SIPA1L3: variants seen among roughly 807,000 people sequenced by gnomAD.
The protein encoded by SIPA1L3 is signal-induced proliferation-associated 1-like protein 3.
Under a neutral mutation model 150.1 loss-of-function variants are expected in SIPA1L3, and 59 were observed. The ratio of observed to expected loss-of-function variants is 0.39; its 90% confidence interval spans 0.32 to 0.49. The LOEUF is 0.49. SIPA1L3 is among the 20% of genes least tolerant of loss of function. SIPA1L3 has a pLI of 0.86. For missense variants in SIPA1L3, 2,211 were observed against 2,489.5 expected (o/e 0.89, Z 2.38); for synonymous variants, 1,070 against 1,077.6 (o/e 0.99, Z 0.14).
intron 1 of SIPA1L3, among the ~76,000 whole-genome samples, chr19:37,930,088 G>T (rs935448119): frequency 6.7e-6 from 1 of 148,290 alleles, no homozygotes; most frequent in Non-Finnish European, 1.5e-5. Flanking sequence ...GCAGTGGCGC[G>T]ATCTCGGCTC....
chr19:38,106,509 A>T (rs756584488), intron 6 of SIPA1L3, 28 bp from the exon 7 acceptor site: 34 of 1,496,680 alleles, frequency 2.3e-5, no homozygotes, highest in Non-Finnish European at 3.2e-5. Context: ...TTTTGGAAAC[A>T]TGGTCCTAAC....
intron 16 of SIPA1L3, among the ~76,000 whole-genome samples, chr19:38,190,189 GC>G (rs927751594): frequency 3.6e-4 from 55 of 152,224 alleles, no homozygotes; most frequent in African/African-American, 1.3e-3. Flanking sequence ...GAGCCTGTGG[GC>G]AGTGCACTGG....
At chr19:38,087,973 G>A (rs930055373) in intron 3 of SIPA1L3, among the ~76,000 whole-genome samples, 1 of 152,174 alleles carries the variant, frequency 6.6e-6, no homozygotes, top group Non-Finnish European at 1.5e-5. Context: ...AGCCGAGATC[G>A]CGCCAATGCC....
chr19:38,141,604 G>T (rs990352462), intron 11 of SIPA1L3, among the ~76,000 whole-genome samples, 169 bp downstream of exon 11: 1 of 151,970 alleles, frequency 6.6e-6, no homozygotes, highest in Non-Finnish European at 1.5e-5. Flanking sequence ...CTTCGTTTCA[G>T]CTTTCACCGT....
At chr19:38,029,418 G>T (rs1458036857) in intron 2 of SIPA1L3, among the ~76,000 whole-genome samples, 2 of 152,102 alleles carry the variant, frequency 1.3e-5, no homozygotes, top group Non-Finnish European at 2.9e-5. Context: ...TGAGAAAAAG[G>T]AACCAGGCTA....
At chr19:38,023,738 G>A (rs538514745) in intron 1 of SIPA1L3, among the ~76,000 whole-genome samples, 2 of 152,312 alleles carry the variant, frequency 1.3e-5, no homozygotes, top group East Asian at 1.9e-4. Context: ...CTTACACAGC[G>A]GCACAGAAGA....
At chr19:38,142,774 C>G in intron 12 of SIPA1L3, 64 bp downstream of exon 12, 2 of 1,536,020 alleles carry the variant, frequency 1.3e-6, no homozygotes, top group Non-Finnish European at 1.8e-6. Flanking sequence ...CCTTCTTCCC[C>G]AGCAAATGCA....
chr19:37,929,886 T>C (rs761684258), intron 1 of SIPA1L3, among the ~76,000 whole-genome samples: 18 of 152,124 alleles, frequency 1.2e-4, no homozygotes, highest in Non-Finnish European at 2.5e-4. Flanking sequence ...TTAGAGACAG[T>C]CTTGTTCTGT....
intron 15 of SIPA1L3, among the ~76,000 whole-genome samples, chr19:38,173,006 G>C (rs1434112218): frequency 6.6e-6 from 1 of 152,188 alleles, no homozygotes; most frequent in Non-Finnish European, 1.5e-5. Context: ...GGAGGCTGAG[G>C]TTGGAGGATT....
At chr19:38,182,236 G>A (rs896405620) in intron 15 of SIPA1L3, among the ~76,000 whole-genome samples, 6 of 152,054 alleles carry the variant, frequency 3.9e-5, no homozygotes, top group Admixed American at 1.3e-4. Flanking sequence ...CTTTAGCTGC[G>A]TAGGTTGTAC....
chr19:37,978,813 A>G (rs1172124653), intron 1 of SIPA1L3, among the ~76,000 whole-genome samples: 1 of 151,972 alleles, frequency 6.6e-6, no homozygotes, highest in East Asian at 1.9e-4. Context: ...TGTCTCTACA[A>G]AAAATTTAAA....
chr19:38,091,639 G>A (rs1970260699), intron 4 of SIPA1L3, among the ~76,000 whole-genome samples: 2 of 152,152 alleles, frequency 1.3e-5, no homozygotes, highest in African/African-American at 2.4e-5. Flanking sequence ...GCCTGCCTGT[G>A]TTCTGGCCGC....
chr19:38,071,209 CTATCT>C, intron 2 of SIPA1L3, among the ~76,000 whole-genome samples: 1 of 64,578 alleles, frequency 1.5e-5, no homozygotes, highest in Admixed American at 1.6e-4. Flanking sequence ...TTTTATCTAT[CTATCT>C]ATCTATCTAT....
intron 15 of SIPA1L3, among the ~76,000 whole-genome samples, chr19:38,166,346 A>G (rs1301746276): frequency 6.6e-6 from 1 of 151,702 alleles, no homozygotes; most frequent in Non-Finnish European, 1.5e-5. Context: ...AGTCCCAGCT[A>G]CTTGGGAGGC....
At chr19:38,066,561 C>T (rs1969598067) in intron 2 of SIPA1L3, among the ~76,000 whole-genome samples, 1 of 152,236 alleles carries the variant, frequency 6.6e-6, no homozygotes, top group Non-Finnish European at 1.5e-5. Flanking sequence ...CGCGGTGGCT[C>T]ACGCCTGTAA....
chr19:37,983,336 C>T (rs1967247707), intron 1 of SIPA1L3, among the ~76,000 whole-genome samples: 1 of 152,186 alleles, frequency 6.6e-6, no homozygotes, highest in Admixed American at 6.5e-5. Context: ...GGACAAGGGA[C>T]TGCACCTCTC....
chr19:38,156,782 G>T (rs1428006674), intron 13 of SIPA1L3, among the ~76,000 whole-genome samples: 1 of 152,094 alleles, frequency 6.6e-6, no homozygotes, highest in African/African-American at 2.4e-5. Context: ...CTGAGATCAC[G>T]CATTGCACTC....
rs780440383 is a variant in SIPA1L3, at chr19:38,081,745, C to G, written c.180C>G (p.Thr60=). The G allele has an allele frequency of 6.2e-7, 1 of 1,600,194 alleles. No homozygotes were observed. Among genetic ancestry groups the G allele is most frequent in the African/African-American group, 1.3e-5 (1 of 74,764 alleles). ...AGAGCCCGGCCACCGCCACCGCCAC[C>G]GCCACCGCCACCACCCGCCCCAGCC... is the stretch of plus-strand genomic sequence containing the variant. The part of the protein sequence containing the change: ...LGESPATATA[T]ATATTRPSPT... Residue 60 remains threonine, a synonymous_variant, in exon 3 of 22, where the codon ACC becomes ACG. Transcript: ENST00000222345.
At chr19:38,007,643 T>G (rs1439327976) in intron 1 of SIPA1L3, among the ~76,000 whole-genome samples, 2 of 152,050 alleles carry the variant, frequency 1.3e-5, no homozygotes, top group Non-Finnish European at 2.9e-5. Context: ...CTTTTTTTGC[T>G]TAACTTAAGC....
Sources: gnomAD v4.1 joint callset for allele counts (sites outside exome capture counted in the v4.1 genomes callset) on GRCh38, gnomAD v4.1.1 for gene constraint, MANE v1.5 for transcripts, NCBI Gene and HGNC (gene_info 2026-07-23, HGNC 2026-07-21) for gene names.